Variants in DNAJC3 observed in about 807,000 individuals in gnomAD.
The protein encoded by DNAJC3 is DnaJ heat shock protein family (Hsp40) member C3, also known as dnaJ homolog subfamily C member 3.
In DNAJC3, 38 loss-of-function variants were observed where a neutral mutation model predicts 68.6. That is an observed-to-expected ratio of 0.55 (90% CI 0.43 to 0.73). DNAJC3 has a LOEUF of 0.73. Among genes scored for constraint, DNAJC3 ranks in the 30% least tolerant of loss-of-function variants. The pLI, the probability that DNAJC3 is intolerant of heterozygous loss-of-function variation, is 0.00. For synonymous variants in DNAJC3, 203 were observed against 204.0 expected (o/e 1.00, Z 0.04); for missense variants, 526 against 591.9 (o/e 0.89, Z 1.16).
chr13:95,687,598 A>G (rs1299452429), intron 1 of DNAJC3, among the ~76,000 whole-genome samples: 1 of 152,112 alleles, frequency 6.6e-6, no homozygotes, highest in Non-Finnish European at 1.5e-5. Context: ...GGATTTGGAG[A>G]ATATAATATC....
Position 95,723,374 on chromosome 13 carries a change from T to A in DNAJC3, c.318+8T>A, listed in dbSNP as rs753151298. Reference sequence around the variant, plus strand: ...AAGATGGACTTCACTGCAGTAAGTATATCTCAACTTTCTTTAAAGGGGAAC... The same window carrying A: ...AAGATGGACTTCACTGCAGTAAGTAAATCTCAACTTTCTTTAAAGGGGAAC... On this transcript the variant is annotated splice_region_variant and intron_variant, in intron 3 of 11. Coordinates refer to ENST00000602402, the MANE Select transcript of DNAJC3 (RefSeq NM_006260.5). 3 of 1,603,946 alleles carry A rather than the reference T, an allele frequency of 1.9e-6. No individual in the cohort carries two copies. The highest frequency in any genetic ancestry group is 2.6e-6 in the Non-Finnish European group (3 of 1,174,730).
In DNAJC3 at chr13:95,723,274, C is replaced by T. The variant is rs777878071; in HGVS notation, c.226C>T (p.Arg76Trp). Residue 76 changes from arginine to tryptophan, a missense_variant, in exon 3 of 12, where the codon CGG (arginine) becomes TGG (tryptophan). By Grantham distance (101) the Arg-to-Trp change is moderately radical. Coordinates refer to ENST00000602402, the MANE Select transcript of DNAJC3 (RefSeq NM_006260.5). ...CCCTGATAACTATATTGCTTATTATCGGAGGGCTACTGTCTTTTTAGCTAT... is the reference window on the plus strand; with the variant it reads ...CCCTGATAACTATATTGCTTATTATTGGAGGGCTACTGTCTTTTTAGCTAT... ...GDPDNYIAYY[R>W]RATVFLAMGK... 1.9e-5 allele frequency: 30 copies of T among 1,610,280 alleles called. No individual in the cohort carries two copies. The highest frequency in any genetic ancestry group is 2.7e-5 in the African/African-American group (2 of 74,800).
intron 1 of DNAJC3, among the ~76,000 whole-genome samples, chr13:95,688,149 A>C (rs749347573): frequency 2.6e-5 from 4 of 152,176 alleles, no homozygotes; most frequent in Non-Finnish European, 5.9e-5. Context: ...ACTTTACTGA[A>C]GTTGCTTATC....
chr13:95,785,364 G>T (rs1883567772), intron 9 of DNAJC3, among the ~76,000 whole-genome samples: 1 of 151,982 alleles, frequency 6.6e-6, no homozygotes, highest in African/African-American at 2.4e-5. Context: ...GATAATGCGG[G>T]AGGGTGGGCA....
chr13:95,779,562 T>C (rs538656891), intron 9 of DNAJC3, among the ~76,000 whole-genome samples: 1 of 152,372 alleles, frequency 6.6e-6, no homozygotes, highest in African/African-American at 2.4e-5. Flanking sequence ...TTCCTTTTGT[T>C]AGATCCTTCA....
chr13:95,731,734 C>T (rs919638758), intron 4 of DNAJC3, among the ~76,000 whole-genome samples: 4 of 151,890 alleles, frequency 2.6e-5, no homozygotes, highest in South Asian at 2.1e-4. Flanking sequence ...TGCAGTGGTG[C>T]GGACATGACT....
At chr13:95,705,386 C>T (rs567501997) in intron 1 of DNAJC3, among the ~76,000 whole-genome samples, 8 of 152,204 alleles carry the variant, frequency 5.3e-5, no homozygotes, top group South Asian at 2.1e-4. Flanking sequence ...TCCCATCATC[C>T]GCACTGAATT....
intron 9 of DNAJC3, among the ~76,000 whole-genome samples, chr13:95,764,669 TATATATATATATATAC>T (rs1257963842): frequency 4.0e-5 from 5 of 124,456 alleles, no homozygotes; most frequent in African/African-American, 1.6e-4. Context: ...TATATATATA[TATATATATATATATAC>T]ACACACACAC....
At chr13:95,786,607 C>G (rs1883609736) in intron 10 of DNAJC3, among the ~76,000 whole-genome samples, 1 of 152,156 alleles carries the variant, frequency 6.6e-6, no homozygotes, top group South Asian at 2.1e-4. Context: ...AATTTGGAAT[C>G]TTTGTGCTTA....
intron 4 of DNAJC3, among the ~76,000 whole-genome samples, chr13:95,751,225 G>T (rs775423466): frequency 1.3e-5 from 2 of 152,196 alleles, no homozygotes; most frequent in African/African-American, 4.8e-5. Context: ...GACAGAGGGA[G>T]ACCCTGTCTA....
intron 9 of DNAJC3, among the ~76,000 whole-genome samples, chr13:95,776,800 A>G (rs1039948964): frequency 6.6e-6 from 1 of 152,128 alleles, no homozygotes; most frequent in African/African-American, 2.4e-5. Flanking sequence ...CCTTTGTAAT[A>G]TTACTCAATT....
At chr13:95,757,425 C>G (rs532930004) in intron 4 of DNAJC3, among the ~76,000 whole-genome samples, 1 of 152,144 alleles carries the variant, frequency 6.6e-6, no homozygotes, top group East Asian at 1.9e-4. Flanking sequence ...CCCAGGTCTT[C>G]TGAGTCTAGA....
intron 9 of DNAJC3, among the ~76,000 whole-genome samples, chr13:95,770,419 A>G (rs1230263659): frequency 6.6e-6 from 1 of 152,234 alleles, no homozygotes; most frequent in African/African-American, 2.4e-5. Flanking sequence ...TTAAAATCTC[A>G]TAATTCAACA....
intron 1 of DNAJC3, among the ~76,000 whole-genome samples, chr13:95,678,450 T>G (rs1879826776): frequency 1.3e-5 from 2 of 152,118 alleles, no homozygotes; most frequent in Non-Finnish European, 2.9e-5. Flanking sequence ...CTGGTAACCA[T>G]ATTTTTTGAA....
chr13:95,734,885 T>G (rs1245500366), intron 4 of DNAJC3, among the ~76,000 whole-genome samples: 1 of 150,532 alleles, frequency 6.6e-6, no homozygotes, highest in African/African-American at 2.5e-5. Context: ...TAGTTACATA[T>G]GTATACATGT....
intron 4 of DNAJC3, among the ~76,000 whole-genome samples, chr13:95,749,954 G>A (rs963020190): frequency 1.3e-5 from 2 of 152,102 alleles, no homozygotes; most frequent in Admixed American, 1.3e-4. Context: ...GGAGGCTGAG[G>A]CAGGAGAATT....
chr13:95,789,726 G>T (rs1883708015), intron 11 of DNAJC3, among the ~76,000 whole-genome samples: 2 of 152,206 alleles, frequency 1.3e-5, no homozygotes, highest in South Asian at 4.1e-4. Context: ...TTGCCACACT[G>T]TCTTCCACAA....
At chr13:95,712,584 C>T in intron 2 of DNAJC3, among the ~76,000 whole-genome samples, 1 of 152,000 alleles carries the variant, frequency 6.6e-6, no homozygotes, top group African/African-American at 2.4e-5. Flanking sequence ...ACCATGTTTG[C>T]CAGGCTGGTC....
At position 95,760,673 on chromosome 13, in the gene DNAJC3, G is replaced by T; in HGVS notation, c.729-6G>T. 1 of 1,603,538 alleles carries T rather than the reference G, an allele frequency of 6.2e-7. No individual in the cohort carries two copies. The highest frequency in any genetic ancestry group is 1.1e-5 in the South Asian group (1 of 88,888). ...GAGTATTTTCCTTTTTTAAATACAT[G>T]AACAGTGAAGTTCGGGAATGTCTTA... On this transcript the variant is annotated splice_polypyrimidine_tract_variant and splice_region_variant and intron_variant, in intron 6 of 11. Coordinates refer to ENST00000602402, the MANE Select transcript of DNAJC3 (RefSeq NM_006260.5).
Sources: allele counts gnomAD v4.1 joint callset (sites outside exome capture counted in the v4.1 genomes callset), GRCh38; gene constraint gnomAD v4.1.1; transcripts MANE v1.5; gene names NCBI Gene and HGNC (gene_info 2026-07-23, HGNC 2026-07-21).